Variants in CDH15 observed in about 807,000 individuals in gnomAD.
The protein encoded by CDH15 is cadherin 15.
CDH15 carries 73 observed loss-of-function variants against 69.4 expected under a neutral mutation model. The ratio of observed to expected loss-of-function variants is 1.05; its 90% CI spans 0.87 to 1.28. CDH15 has a LOEUF of 1.28. Ranked by LOEUF, CDH15 falls within the 50% of genes most tolerant of loss-of-function variation. CDH15 has a pLI of 0.00. For synonymous variants in CDH15, 624 were observed against 507.7 expected (o/e 1.23, Z -3.08); for missense variants, 1,343 against 1,133.6 (o/e 1.18, Z -2.65).
chr16:89,185,104 G>T (rs1478851092), intron 4 of CDH15, 69 bp from the exon 5 acceptor site: 8 of 1,461,026 alleles, frequency 5.5e-6, no homozygotes, highest in African/African-American at 1.4e-5. Context: ...GTGCCCCCAC[G>T]CCCCTCACAA....
At position 89,193,990 on chromosome 16, in the gene CDH15, A is replaced by G. The variant is rs574383390; in HGVS notation, c.2151+77A>G. The stretch of plus-strand genomic sequence containing the variant: ...CACACATGCACATGTACACACCTGC[A>G]CATGCATGCAAGAACCGGCGCCTGC... On this transcript the variant is annotated intron_variant, in intron 13 of 13. Coordinates refer to ENST00000289746, the MANE Select transcript of CDH15 (RefSeq NM_004933.3). 9.1e-4 allele frequency: 1,358 copies of G among 1,498,082 alleles called. 1 individual carries two copies. Among genetic ancestry groups the G allele is most frequent in the Admixed American group, 1.2e-3 (66 of 53,722 alleles). 92.8% of individuals were successfully genotyped at this position (1,498,082 alleles called of 1,614,324 possible).
intron 6 of CDH15, 123 bp from the exon 7 acceptor site, chr16:89,187,977 G>A: frequency 1.1e-6 from 1 of 883,422 alleles, no homozygotes; most frequent in East Asian, 2.7e-5. Context: ...GAGCAAGGGA[G>A]GGTGTTCCTG....
chr16:89,189,826 C>G (rs1011139047), intron 7 of CDH15, among the ~76,000 whole-genome samples: 3 of 152,228 alleles, frequency 2.0e-5, no homozygotes, highest in African/African-American at 7.2e-5. Flanking sequence ...GTCTAACGTG[C>G]AGACCACAGG....
intron 1 of CDH15, among the ~76,000 whole-genome samples, chr16:89,177,291 G>A (rs1445297714): frequency 1.3e-5 from 2 of 152,198 alleles, no homozygotes; most frequent in South Asian, 4.1e-4. Flanking sequence ...CGCTGGGCAT[G>A]TGGGGCTGGG....
intron 7 of CDH15, among the ~76,000 whole-genome samples, chr16:89,189,028 CAG>C (rs1203966304): frequency 6.7e-6 from 1 of 148,422 alleles, no homozygotes; most frequent in African/African-American, 2.5e-5. Flanking sequence ...TGCCCACACA[CAG>C]ATGTTGGCAC....
chr16:89,193,240 C>T (rs1211976485), intron 11 of CDH15, among the ~76,000 whole-genome samples: 1 of 136,688 alleles, frequency 7.3e-6, no homozygotes, highest in East Asian at 2.2e-4. Flanking sequence ...CCTTACCAGC[C>T]AAGCTCCCTC....
intron 3 of CDH15, among the ~76,000 whole-genome samples, chr16:89,182,390 G>A (rs368335827): frequency 1.2e-4 from 18 of 149,358 alleles, no homozygotes; most frequent in East Asian, 7.9e-4. Context: ...CTTGTAATCC[G>A]AGCACTTTGG....
At position 89,174,816 on chromosome 16, in the gene CDH15, C is replaced by T. The variant is rs190182878; in HGVS notation, c.42+2943C>T. On this transcript the variant is annotated intron_variant, in intron 1 of 13. Coordinates refer to ENST00000289746, the MANE Select transcript of CDH15 (RefSeq NM_004933.3). ...ACAGAGAGGAGTGGACGAGTGTCCA[C>T]AAAATCCACCTCCCAGGGTGCTTGC... 3.3e-5 allele frequency among the ~76,000 whole-genome samples: 5 copies of T among 152,252 alleles called. No homozygotes were observed. The East Asian group carries it at 9.7e-4, about 29-fold the overall frequency.
At position 89,188,252 on chromosome 16, in the gene CDH15, C is replaced by T; in HGVS notation, c.945C>T (p.Pro315=). Residue 315 remains proline (P), a synonymous_variant, in exon 7 of 14, where the codon CCC becomes CCT. Coordinates refer to ENST00000289746, the MANE Select transcript of CDH15 (RefSeq NM_004933.3). Reference sequence around the variant, plus strand: ...GGCAGTTCACCATCCGCACGGACCCCAAGACCAACGAGGGTGTTCTGTCCA... The same window carrying T: ...GGCAGTTCACCATCCGCACGGACCCTAAGACCAACGAGGGTGTTCTGTCCA... ...PDGQFTIRTD[P]KTNEGVLSIV... 1.2e-6 allele frequency: 2 copies of T among 1,613,510 alleles called. No individual in the cohort carries two copies. Among genetic ancestry groups the T allele is most frequent in the Non-Finnish European group, 1.7e-6 (2 of 1,179,942 alleles).
At position 89,192,324 on chromosome 16, in the gene CDH15, G is replaced by C. The variant is rs939600678; in HGVS notation, c.1735G>C (p.Val579Leu). 7 of 1,535,502 alleles carry C rather than the reference G, an allele frequency of 4.6e-6. No homozygotes were observed. The highest frequency in any genetic ancestry group is 2.0e-5 in the Admixed American group (1 of 51,152). The change falls in exon 11 of 14, where the codon GTG (valine) becomes CTG (leucine). Residue 579 changes from valine (V) to leucine (L), a missense_variant. Coordinates refer to ENST00000289746, the MANE Select transcript of CDH15 (RefSeq NM_004933.3). Reference protein sequence around the residue: ...QQREQPLNVTVCRCGKDGVCL... With the variant: ...QQREQPLNVTLCRCGKDGVCL... ...GCGCGAGCAGCCTCTGAACGTGACC[G>C]TGTGCCGCTGCGGCAAGGACGGCGT...
intron 1 of CDH15, among the ~76,000 whole-genome samples, chr16:89,172,221 G>A (rs985722537): frequency 8.5e-5 from 13 of 152,090 alleles, no homozygotes; most frequent in Admixed American, 8.5e-4. Context: ...AGCAGAGAGA[G>A]GGGGGAGCGG....
At chr16:89,187,408 C>A (rs201220677) in intron 5 of CDH15, 21 bp from the exon 6 acceptor site, 2 of 1,611,908 alleles carry the variant, frequency 1.2e-6, no homozygotes, top group East Asian at 2.2e-5. Flanking sequence ...CATCTTCTGA[C>A]CCTGTGCCCC....
intron 12 of CDH15, 61 bp from the exon 13 acceptor site, chr16:89,193,694 T>C: frequency 6.3e-7 from 1 of 1,577,086 alleles, no homozygotes; most frequent in Admixed American, 1.8e-5. Flanking sequence ...AGCCTGTACC[T>C]GAGACCTCCA....
intron 8 of CDH15, 95 bp from the exon 9 acceptor site, chr16:89,191,223 ATGTGTGTGCCTG>A: frequency 3.1e-6 from 4 of 1,270,782 alleles, no homozygotes; most frequent in Middle Eastern, 1.8e-4. Context: ...TGTGGTATGT[ATGTGTGTGCCTG>A]TGTGTGTGCA....
At position 89,193,786 on chromosome 16, in the gene CDH15, C is replaced by T. The variant is rs995512954; in HGVS notation, c.2024C>T (p.Pro675Leu). The T allele has an allele frequency of 1.9e-6, 3 of 1,605,822 alleles. No homozygotes were observed. Among genetic ancestry groups the T allele is most frequent in the Admixed American group, 1.7e-5 (1 of 59,798 alleles). Reference sequence around the variant, plus strand: ...TACGACATCAGCCAGCTGCGTCACCCGACAGCGCTGAGCCTGCCTCTGGGA... The same window carrying T: ...TACGACATCAGCCAGCTGCGTCACCTGACAGCGCTGAGCCTGCCTCTGGGA... ...DAYDISQLRH[P>L]TALSLPLGPP... The change falls in exon 13 of 14, where the codon CCG (proline) becomes CTG (leucine). Residue 675 changes from proline (P) to leucine (L), a missense_variant. Coordinates refer to ENST00000289746, the MANE Select transcript of CDH15 (RefSeq NM_004933.3).
At chr16:89,192,540 G>C (rs1340442333) in intron 11 of CDH15, 96 bp downstream of exon 11, 5 of 1,361,312 alleles carry the variant, frequency 3.7e-6, no homozygotes, top group Non-Finnish European at 5.0e-6. Flanking sequence ...TTCCTCCCCA[G>C]CTCCGCCTCC....
chr16:89,173,664 G>C (rs987429175), intron 1 of CDH15, among the ~76,000 whole-genome samples: 9 of 152,316 alleles, frequency 5.9e-5, no homozygotes, highest in African/African-American at 2.2e-4. Context: ...GCAGCCTTGG[G>C]GTCCTGGGCC....
At chr16:89,177,750 C>A (rs1915289657) in intron 1 of CDH15, among the ~76,000 whole-genome samples, 1 of 152,218 alleles carries the variant, frequency 6.6e-6, no homozygotes, top group Admixed American at 6.5e-5. Context: ...GAGGGTGACC[C>A]CCATGTCCGT....
At chr16:89,191,954 CGGCCTCGGACG>C in intron 10 of CDH15, 60 bp downstream of exon 10, 2 of 1,456,132 alleles carry the variant, frequency 1.4e-6, no homozygotes, top group Non-Finnish European at 1.8e-6. Context: ...CCCCACATTC[CGGCCTCGGACG>C]GGGGCAGGAG....
Sources: gnomAD v4.1 joint callset for allele counts (sites outside exome capture counted in the v4.1 genomes callset) on GRCh38, gnomAD v4.1.1 for gene constraint, MANE v1.5 for transcripts, NCBI Gene and HGNC (gene_info 2026-07-23, HGNC 2026-07-21) for gene names.